Variants in PRRC2B observed in about 807,000 individuals in gnomAD.
PRRC2B encodes the protein proline rich coiled-coil 2B.
Under a neutral mutation model 242.3 loss-of-function variants are expected in PRRC2B, and 68 were observed. The observed-to-expected ratio is 0.28, with a 90% CI of 0.23 to 0.34. The LOEUF (loss-of-function observed/expected upper bound fraction) is 0.34. Ranked by LOEUF, PRRC2B falls within the 10% of genes least tolerant of loss-of-function variation. The pLI is 1.00. For missense variants in PRRC2B, 2,835 were observed against 2,954.8 expected (o/e 0.96, Z 0.94); for synonymous variants, 1,228 against 1,173.6 (o/e 1.05, Z -0.95).
At position 131,474,626 on chromosome 9, in the gene PRRC2B, C is replaced by A. The variant is rs757607825; in HGVS notation, c.2497C>A (p.Pro833Thr). Reference protein sequence around the residue: ...QRIGQELLFPPQENVQDAGAP... With the variant: ...QRIGQELLFPTQENVQDAGAP... The stretch of plus-strand genomic sequence containing the variant: ...AATAGGCCAGGAGCTTTTGTTTCCA[C>A]CCCAAGAAAATGTTCAGGATGCAGG... The change falls in exon 16 of 32, where the codon CCC (proline) becomes ACC (threonine). Residue 833 changes from proline (P) to threonine (T), a missense_variant. Transcript: ENST00000683519. 1 of 1,613,984 alleles carries A rather than the reference C, an allele frequency of 6.2e-7. No homozygotes were observed. Among genetic ancestry groups the A allele is most frequent in the South Asian group, 1.1e-5 (1 of 91,076 alleles).
chr9:131,399,043 A>G (rs1419190718), intron 1 of PRRC2B, among the ~76,000 whole-genome samples: 4 of 151,892 alleles, frequency 2.6e-5, no homozygotes, highest in African/African-American at 9.7e-5. Context: ...TGGCAGGCCG[A>G]GGTGGGCGGA....
chr9:131,426,947 G>A (rs1837991764), intron 1 of PRRC2B, among the ~76,000 whole-genome samples: 1 of 152,214 alleles, frequency 6.6e-6, no homozygotes, highest in Non-Finnish European at 1.5e-5. Flanking sequence ...TTTGGGTGAG[G>A]GAAGGGAGTT....
intron 1 of PRRC2B, among the ~76,000 whole-genome samples, chr9:131,395,269 A>AT (rs1013319513): frequency 2.7e-4 from 41 of 149,342 alleles, no homozygotes; most frequent in African/African-American, 7.6e-4. Flanking sequence ...TTTCCCTAAG[A>AT]TTTTTTTTTT....
At chr9:131,379,903 C>A (rs964030471) in intron 1 of PRRC2B, among the ~76,000 whole-genome samples, 1 of 151,220 alleles carries the variant, frequency 6.6e-6, no homozygotes, top group African/African-American at 2.4e-5. Flanking sequence ...GGATTACAGG[C>A]GTCAGCTACC....
At chr9:131,401,225 A>C (rs909738948) in intron 1 of PRRC2B, among the ~76,000 whole-genome samples, 2 of 152,136 alleles carry the variant, frequency 1.3e-5, no homozygotes, top group African/African-American at 4.8e-5. Context: ...TTAAGTGTAC[A>C]GTTGAGTGGC....
chr9:131,427,794 A>G (rs1226590292), intron 1 of PRRC2B, among the ~76,000 whole-genome samples: 2 of 152,204 alleles, frequency 1.3e-5, no homozygotes, highest in Non-Finnish European at 1.5e-5. Flanking sequence ...TCAGTGGTAA[A>G]ATGGGGAATT....
chr9:131,414,961 T>G (rs927205275), intron 1 of PRRC2B, among the ~76,000 whole-genome samples: 3 of 152,122 alleles, frequency 2.0e-5, no homozygotes, highest in African/African-American at 7.2e-5. Flanking sequence ...TTGTATTGGT[T>G]GGATAATTTG....
At chr9:131,485,362 A>G (rs976407874) in intron 25 of PRRC2B, among the ~76,000 whole-genome samples, 1 of 152,028 alleles carries the variant, frequency 6.6e-6, no homozygotes, top group Non-Finnish European at 1.5e-5. Context: ...ACAGCGAGGC[A>G]CTCCTGCCTA....
At chr9:131,479,725 A>T (rs1365084228) in intron 19 of PRRC2B, among the ~76,000 whole-genome samples, 3 of 152,098 alleles carry the variant, frequency 2.0e-5, no homozygotes. Context: ...GTTTTCTCCC[A>T]CTAACTTATG....
intron 1 of PRRC2B, among the ~76,000 whole-genome samples, chr9:131,425,005 T>A (rs1386452469): frequency 6.6e-6 from 1 of 152,136 alleles, no homozygotes; most frequent in Non-Finnish European, 1.5e-5. Flanking sequence ...CTCACTCTGC[T>A]GCCCAGGCTG....
intron 2 of PRRC2B, among the ~76,000 whole-genome samples, chr9:131,430,823 C>A (rs1838142207): frequency 6.6e-6 from 1 of 151,718 alleles, no homozygotes; most frequent in Non-Finnish European, 1.5e-5. Flanking sequence ...AAACTCGTGA[C>A]CTCAGGTGAT....
At chr9:131,401,183 G>A (rs918555020) in intron 1 of PRRC2B, among the ~76,000 whole-genome samples, 1 of 151,948 alleles carries the variant, frequency 6.6e-6, no homozygotes, top group Non-Finnish European at 1.5e-5. Context: ...AAAAATTGTG[G>A]TGAAGTATAC....
Position 131,432,789 on chromosome 9 carries a change from A to G in PRRC2B, c.288A>G (p.Pro96=). 1.9e-6 allele frequency: 3 copies of G among 1,613,976 alleles called. No individual in the cohort carries two copies. Among genetic ancestry groups the G allele is most frequent in the South Asian group, 2.2e-5 (2 of 91,084 alleles). The stretch of plus-strand genomic sequence containing the variant: ...CAAACAAGCAGGATCAGCAAGACCC[A>G]AAGAGGTAAACGGAGGAGGCGGGTG... ...GWANKQDQQD[P]KSSSATASQP... The change falls in exon 3 of 32, where the codon CCA becomes CCG. Residue 96 remains proline (P), a synonymous_variant. Transcript: ENST00000683519.
chr9:131,436,324 C>A (rs183377569), intron 3 of PRRC2B, among the ~76,000 whole-genome samples: 2 of 152,154 alleles, frequency 1.3e-5, no homozygotes, highest in African/African-American at 2.4e-5. Flanking sequence ...AAGTTTACCC[C>A]ACTACACTCC....
intron 5 of PRRC2B, 79 bp downstream of exon 5, chr9:131,439,140 G>A (rs1164466748): frequency 7.3e-6 from 9 of 1,238,868 alleles, no homozygotes; most frequent in Non-Finnish European, 8.2e-6. Flanking sequence ...GTCTGGTTGG[G>A]TCTAGGCACC....
intron 1 of PRRC2B, among the ~76,000 whole-genome samples, chr9:131,399,752 TA>T (rs1171366067): frequency 2.6e-5 from 4 of 152,232 alleles, no homozygotes; most frequent in African/African-American, 9.6e-5. Context: ...ACACAGTTGA[TA>T]GCTTGCTTTT....
chr9:131,486,250 C>T lies in PRRC2B; in HGVS notation c.5856+68C>T, dbSNP rs939391586. The T allele has an allele frequency of 8.4e-6, 9 of 1,076,146 alleles. No homozygotes were observed. In the African/African-American group the frequency reaches 1.3e-4, roughly 15 times the overall value. 66.7% of individuals were successfully genotyped at this position (1,076,146 alleles called of 1,614,324 possible). A position where few individuals can be genotyped will look rare whatever the true frequency, so the allele number is the denominator to read the frequency against. On this transcript the variant is annotated intron_variant, in intron 26 of 31. Transcript: ENST00000683519. Reference sequence around the variant, plus strand: ...AGGAGCCAGTGCAGGGCGGAATTGGCTTGCTCATCTATTTCTCATTGTCTG... The same window carrying T: ...AGGAGCCAGTGCAGGGCGGAATTGGTTTGCTCATCTATTTCTCATTGTCTG...
At chr9:131,415,921 A>G (rs1463095087) in intron 1 of PRRC2B, among the ~76,000 whole-genome samples, 1 of 151,758 alleles carries the variant, frequency 6.6e-6, no homozygotes, top group Non-Finnish European at 1.5e-5. Context: ...TATTTTTGGC[A>G]TTTTTTACTT....
intron 1 of PRRC2B, among the ~76,000 whole-genome samples, chr9:131,402,441 C>T (rs1484909187): frequency 6.6e-6 from 1 of 152,214 alleles, no homozygotes; most frequent in African/African-American, 2.4e-5. Flanking sequence ...ATTCTTAAGG[C>T]AGAATAATAT....
Sources: allele counts gnomAD v4.1 joint callset (sites outside exome capture counted in the v4.1 genomes callset), GRCh38; gene constraint gnomAD v4.1.1; transcripts MANE v1.5; gene names NCBI Gene and HGNC (gene_info 2026-07-23, HGNC 2026-07-21).